Variants in PRKG1 observed in about 807,000 individuals in gnomAD.
PRKG1 encodes protein kinase cGMP-dependent 1, also known as cGMP-dependent protein kinase 1.
Under a neutral mutation model 88.1 loss-of-function variants are expected in PRKG1, and 35 were observed. The ratio of observed to expected loss-of-function variants is 0.40; its 90% CI spans 0.30 to 0.53. The LOEUF is 0.53. Ranked by LOEUF, PRKG1 falls within the 20% of genes least tolerant of loss-of-function variation. The probability of loss-of-function intolerance (pLI) is 0.59; values close to 1 mark genes in which losing one functional copy is unlikely to be tolerated. For synonymous variants in PRKG1, 303 were observed against 292.5 expected (o/e 1.04, Z -0.37); for missense variants, 540 against 839.8 (o/e 0.64, Z 4.41).
At chr10:52,182,359 G>A (rs371887690) in intron 9 of PRKG1, among the ~76,000 whole-genome samples, 2 of 85,586 alleles carry the variant, frequency 2.3e-5, no homozygotes, top group African/African-American at 5.6e-5. Flanking sequence ...AGTAGGTTGC[G>A]AAAATTTTCT....
intron 1 of PRKG1, among the ~76,000 whole-genome samples, chr10:51,149,846 G>A (rs1038697728): frequency 5.9e-5 from 9 of 152,026 alleles, no homozygotes; most frequent in African/African-American, 2.2e-4. Flanking sequence ...ATTGGCAAAC[G>A]CTACACACCA....
intron 2 of PRKG1, among the ~76,000 whole-genome samples, chr10:51,271,569 A>G (rs1839981306): frequency 6.6e-6 from 1 of 152,196 alleles, no homozygotes; most frequent in Non-Finnish European, 1.5e-5. Flanking sequence ...TCAGATCTAG[A>G]TGGCTTTTAC....
intron 1 of PRKG1, among the ~76,000 whole-genome samples, chr10:51,034,712 TA>T (rs1218098522): frequency 2.9e-5 from 2 of 69,752 alleles, no homozygotes; most frequent in Non-Finnish European, 6.3e-5. Context: ...ATATATGCCT[TA>T]AAAATTACGG....
At chr10:52,158,448 G>A (rs1838185415) in intron 8 of PRKG1, among the ~76,000 whole-genome samples, 2 of 151,604 alleles carry the variant, frequency 1.3e-5, no homozygotes, top group Admixed American at 1.3e-4. Flanking sequence ...CCTACAGAGT[G>A]TCTGAGAGAA....
intron 1 of PRKG1, among the ~76,000 whole-genome samples, chr10:51,062,139 A>G (rs1843698804): frequency 6.6e-6 from 1 of 152,214 alleles, no homozygotes; most frequent in South Asian, 2.1e-4. Flanking sequence ...CAGATCACCC[A>G]AACCAATTAT....
chr10:51,840,358 G>C (rs188987241), intron 4 of PRKG1, among the ~76,000 whole-genome samples: 8,632 of 151,764 alleles, frequency 0.057, 329 homozygotes, highest in Non-Finnish European at 0.087. Flanking sequence ...TAGAGGTAAT[G>C]CCTTTACAAT....
chr10:51,029,596 C>A (rs915653819), intron 1 of PRKG1, among the ~76,000 whole-genome samples: 1 of 152,008 alleles, frequency 6.6e-6, no homozygotes, highest in Non-Finnish European at 1.5e-5. Context: ...GGGAACAAGT[C>A]CTAATAAAAT....
intron 3 of PRKG1, among the ~76,000 whole-genome samples, chr10:51,570,649 T>C (rs1837728836): frequency 6.6e-6 from 1 of 151,890 alleles, no homozygotes; most frequent in Non-Finnish European, 1.5e-5. Flanking sequence ...CCATTGTTAT[T>C]TTGACCTGTC....
intron 17 of PRKG1, among the ~76,000 whole-genome samples, chr10:52,293,399 T>C (rs550839705): frequency 5.7e-4 from 87 of 151,788 alleles, no homozygotes; most frequent in African/African-American, 2.1e-3. Flanking sequence ...TTCACAGAAT[T>C]GGAAAAAACT....
intron 2 of PRKG1, among the ~76,000 whole-genome samples, chr10:51,262,989 A>G (rs759841033): frequency 3.9e-5 from 6 of 152,180 alleles, no homozygotes; most frequent in Non-Finnish European, 5.9e-5. Context: ...CTTATTATTA[A>G]TCTAGTGCTG....
chr10:52,136,252 A>C (rs1837416444), intron 8 of PRKG1, among the ~76,000 whole-genome samples: 1 of 152,042 alleles, frequency 6.6e-6, no homozygotes, highest in South Asian at 2.1e-4. Context: ...GATAAATGGG[A>C]CCCCAGGGGA....
intron 3 of PRKG1, among the ~76,000 whole-genome samples, chr10:51,628,915 C>T (rs1280384752): frequency 3.3e-5 from 5 of 149,812 alleles, no homozygotes; most frequent in Admixed American, 6.7e-5. Flanking sequence ...GCCGAGATTG[C>T]GCCACTGCAG....
At chr10:51,027,031 T>G (rs1327468338) in intron 1 of PRKG1, among the ~76,000 whole-genome samples, 1 of 151,980 alleles carries the variant, frequency 6.6e-6, no homozygotes, top group African/African-American at 2.4e-5. Context: ...TACTCAGGAC[T>G]TACTACATAA....
At chr10:51,737,751 TTATTA>T (rs751159646) in intron 3 of PRKG1, among the ~76,000 whole-genome samples, 11,577 of 112,458 alleles carry the variant, frequency 0.1, 560 homozygotes, top group African/African-American at 0.16. Flanking sequence ...ATTATTATTA[TTATTA>T]TTATTATTAT....
chr10:51,506,862 T>C (rs1009601941), intron 3 of PRKG1, among the ~76,000 whole-genome samples: 6 of 152,144 alleles, frequency 3.9e-5, no homozygotes. Context: ...ATATGTTTAT[T>C]GCAGCACTAA....
At chr10:51,762,708 C>T (rs1203931886) in intron 3 of PRKG1, among the ~76,000 whole-genome samples, 1 of 152,142 alleles carries the variant, frequency 6.6e-6, no homozygotes, top group Non-Finnish European at 1.5e-5. Flanking sequence ...AGTGACTTGC[C>T]TCCTTAAAAT....
At chr10:51,435,511 T>G (rs915532669) in intron 2 of PRKG1, among the ~76,000 whole-genome samples, 2 of 151,900 alleles carry the variant, frequency 1.3e-5, no homozygotes, top group Non-Finnish European at 2.9e-5. Flanking sequence ...CTTGCTTGTA[T>G]TTTTCACTTC....
chr10:51,983,092 G>T (rs1207586906), intron 5 of PRKG1, among the ~76,000 whole-genome samples: 1 of 152,172 alleles, frequency 6.6e-6, no homozygotes, highest in Non-Finnish European at 1.5e-5. Context: ...ACTCAGGGAG[G>T]GGGTTGGTCG....
chr10:52,018,307 C>G (rs1845095284), intron 5 of PRKG1, among the ~76,000 whole-genome samples: 1 of 150,528 alleles, frequency 6.6e-6, no homozygotes, highest in Non-Finnish European at 1.5e-5. Flanking sequence ...AAACTGTGTA[C>G]TCTTAATATT....
Sources: gnomAD v4.1 joint callset for allele counts (sites outside exome capture counted in the v4.1 genomes callset) on GRCh38, gnomAD v4.1.1 for gene constraint, MANE v1.5 for transcripts, NCBI Gene and HGNC (gene_info 2026-07-23, HGNC 2026-07-21) for gene names.